EXOC4: variants seen among roughly 807,000 people sequenced by gnomAD.
EXOC4 encodes SEC8-like 1.
In EXOC4, 71 loss-of-function variants were observed where a neutral mutation model predicts 107.2. The observed-to-expected ratio is 0.66, with a 90% CI of 0.55 to 0.81. The LOEUF (loss-of-function observed/expected upper bound fraction) is 0.81, where lower values mean the gene tolerates loss of function less well. EXOC4 is among the 30% of genes least tolerant of loss of function. EXOC4 has a pLI of 0.00. For synonymous variants in EXOC4, 456 were observed against 441.2 expected, an observed-to-expected ratio of 1.03 and a Z score of -0.42; for missense variants, 1,108 against 1,189.6, an observed-to-expected ratio of 0.93 and a Z score of 1.01.
rs1307857035 is a variant in EXOC4, at chr7:133,533,926, A to T, written c.1417+53788A>T. On this transcript the variant is annotated intron_variant, in intron 9 of 17. Transcript: ENST00000253861. ...GCTGGTGAGAAAAAGGAAGGGAAGGAAGATGAGGTAATTGTCCTGAATTGT... is the reference window on the plus strand; with the variant it reads ...GCTGGTGAGAAAAAGGAAGGGAAGGTAGATGAGGTAATTGTCCTGAATTGT... Among the ~76,000 whole-genome samples the T allele has an allele frequency of 2.6e-5, 4 of 152,114 alleles. No homozygotes were observed. The East Asian group carries it at 7.7e-4, about 29-fold the overall frequency.
intron 5 of EXOC4, among the ~76,000 whole-genome samples, chr7:133,354,586 G>T (rs967629516): frequency 3.3e-5 from 5 of 152,110 alleles, no homozygotes; most frequent in Admixed American, 6.5e-5. Flanking sequence ...AGCAAGAGTA[G>T]GAGGGGCTTG....
At chr7:133,653,678 C>T (rs1421868278) in intron 10 of EXOC4, among the ~76,000 whole-genome samples, 1 of 152,152 alleles carries the variant, frequency 6.6e-6, no homozygotes, top group Non-Finnish European at 1.5e-5. Context: ...GCTCCATTTT[C>T]CTCCCTTTTG....
At chr7:133,865,631 A>G (rs1456990736) in intron 11 of EXOC4, among the ~76,000 whole-genome samples, 2 of 152,210 alleles carry the variant, frequency 1.3e-5, no homozygotes, top group African/African-American at 4.8e-5. Flanking sequence ...CATAGGCTGT[A>G]CAGGAAGCAT....
chr7:134,036,077 G>A lies in EXOC4; in HGVS notation c.2688-28214G>A, dbSNP rs936329775. On this transcript the variant is annotated intron_variant, in intron 17 of 17. Coordinates refer to ENST00000253861, the MANE Select transcript of EXOC4 (RefSeq NM_021807.4). Reference sequence around the variant, plus strand: ...CTCAGCATGAACCTAAGACTTAAACGTGACAACTGTTAATCTCACCTTTCC... The same window carrying A: ...CTCAGCATGAACCTAAGACTTAAACATGACAACTGTTAATCTCACCTTTCC... Among the ~76,000 whole-genome samples, 5 of 152,244 alleles carry A rather than the reference G, an allele frequency of 3.3e-5. No individual in the cohort carries two copies. In the East Asian group the frequency reaches 7.7e-4, roughly 23 times the overall value.
At chr7:133,641,715 G>A (rs1001013993) in intron 10 of EXOC4, among the ~76,000 whole-genome samples, 1 of 152,050 alleles carries the variant, frequency 6.6e-6, no homozygotes, top group African/African-American at 2.4e-5. Context: ...ATTTAGTTTT[G>A]CTTTTTGCAT....
intron 9 of EXOC4, among the ~76,000 whole-genome samples, chr7:133,491,383 TGTTCA>T (rs1436203253): frequency 6.6e-6 from 1 of 152,194 alleles, no homozygotes; most frequent in Non-Finnish European, 1.5e-5. Context: ...TTACATATCC[TGTTCA>T]GTTGGTTAGT....
intron 11 of EXOC4, among the ~76,000 whole-genome samples, chr7:133,850,302 T>C (rs1798214112): frequency 6.6e-6 from 1 of 152,222 alleles, no homozygotes; most frequent in Admixed American, 6.5e-5. Flanking sequence ...CTCCCTCTAG[T>C]ATAGGCTACC....
chr7:133,326,125 T>A (rs932683219), intron 5 of EXOC4, among the ~76,000 whole-genome samples: 6 of 152,322 alleles, frequency 3.9e-5, no homozygotes, highest in East Asian at 3.9e-4. Flanking sequence ...AATCTTTTTT[T>A]AAGGTTTTTA....
chr7:133,405,217 G>A (rs1797189337), intron 7 of EXOC4, among the ~76,000 whole-genome samples: 1 of 152,028 alleles, frequency 6.6e-6, no homozygotes, highest in Admixed American at 6.6e-5. Flanking sequence ...AAGCTTTAAT[G>A]ATGTATGTAG....
intron 14 of EXOC4, among the ~76,000 whole-genome samples, chr7:133,944,989 G>T (rs535597528): frequency 6.6e-6 from 1 of 152,234 alleles, no homozygotes; most frequent in Admixed American, 6.5e-5. Context: ...AATGTGCATT[G>T]TTGACTCAAA....
chr7:133,427,725 C>T (rs1049221021), intron 7 of EXOC4, among the ~76,000 whole-genome samples: 2 of 152,114 alleles, frequency 1.3e-5, no homozygotes, highest in Admixed American at 6.6e-5. Flanking sequence ...CATCAATTGC[C>T]GTGGTAGAGA....
At chr7:133,994,049 C>G (rs796585911) in intron 14 of EXOC4, among the ~76,000 whole-genome samples, 5 of 152,326 alleles carry the variant, frequency 3.3e-5, no homozygotes, top group African/African-American at 1.2e-4. Context: ...GACCAATGTT[C>G]AGCTTCCTTT....
chr7:133,526,106 C>T (rs2150916417), intron 9 of EXOC4, among the ~76,000 whole-genome samples: 1 of 152,258 alleles, frequency 6.6e-6, no homozygotes, highest in East Asian at 1.9e-4. Flanking sequence ...ACTTATTCTG[C>T]CAGAAGAGAC....
intron 6 of EXOC4, among the ~76,000 whole-genome samples, chr7:133,372,453 TG>T (rs1385914069): frequency 6.6e-6 from 1 of 152,176 alleles, no homozygotes; most frequent in East Asian, 1.9e-4. Context: ...TGGCAGAAAC[TG>T]GAACTGTGTC....
At position 133,424,094 on chromosome 7, in the gene EXOC4, C is replaced by T. The variant is rs557972474; in HGVS notation, c.1182+49092C>T. ...ACCAATCAGCTCTCTGTAAAATGGA[C>T]CAATCAGTAGGATGTGGGTGGGGCC... On this transcript the variant is annotated intron_variant, in intron 7 of 17. Coordinates refer to ENST00000253861, the MANE Select transcript of EXOC4 (RefSeq NM_021807.4). 3.3e-3 allele frequency among the ~76,000 whole-genome samples: 504 copies of T among 152,194 alleles called. 3 individuals are homozygous for T. The highest frequency in any genetic ancestry group is 0.012 in the African/African-American group (483 of 41,528).
At chr7:133,508,155 A>G (rs752014106) in intron 9 of EXOC4, among the ~76,000 whole-genome samples, 20 of 152,126 alleles carry the variant, frequency 1.3e-4, no homozygotes, top group African/African-American at 4.3e-4. Flanking sequence ...TGAATAATAC[A>G]TCATGATATT....
chr7:133,725,733 T>C (rs1231020929), intron 10 of EXOC4, among the ~76,000 whole-genome samples: 1 of 152,212 alleles, frequency 6.6e-6, no homozygotes, highest in Non-Finnish European at 1.5e-5. Context: ...ATTGACAGTA[T>C]GTAAATGAAC....
At chr7:133,480,199 CAT>C (rs1258850855) in intron 9 of EXOC4, 61 bp downstream of exon 9, 2 of 1,588,920 alleles carry the variant, frequency 1.3e-6, no homozygotes, top group Non-Finnish European at 1.7e-6. Flanking sequence ...CTTTATTACA[CAT>C]GAGTTTGTGT....
At chr7:133,614,104 T>C (rs1018967961) in intron 9 of EXOC4, among the ~76,000 whole-genome samples, 24 of 152,034 alleles carry the variant, frequency 1.6e-4, no homozygotes, top group African/African-American at 5.8e-4. Flanking sequence ...AAAAAGGATG[T>C]CGGCCTGAAC....
Sources: allele counts gnomAD v4.1 joint callset (sites outside exome capture counted in the v4.1 genomes callset), GRCh38; gene constraint gnomAD v4.1.1; transcripts MANE v1.5; gene names NCBI Gene and HGNC (gene_info 2026-07-23, HGNC 2026-07-21).